NEB: variants seen among roughly 807,000 people sequenced by gnomAD.
The protein encoded by NEB is nebulin.
Under a neutral mutation model 952.2 loss-of-function variants are expected in NEB, and 512 were observed. The ratio of observed to expected loss-of-function variants is 0.54; its 90% CI spans 0.50 to 0.58. The LOEUF (loss-of-function observed/expected upper bound fraction) is 0.58. NEB is among the 20% of genes least tolerant of loss of function. NEB has a pLI of 0.00. For synonymous variants in NEB, 2,900 were observed against 3,149.8 expected (o/e 0.92, Z 2.66); for missense variants, 8,428 against 9,231.1 (o/e 0.91, Z 3.56).
rs886043631 is a variant in NEB, at chr2:151,568,710, A to AT, written c.17541dup (p.Tyr5848IlefsTer15). The AT allele has an allele frequency of 1.9e-6, 3 of 1,589,830 alleles. No individual in the cohort carries two copies. The highest frequency in any genetic ancestry group is 1.8e-5 in the Admixed American group (1 of 56,546). ...TTGAGAGTTTCTATTTTTGTGCGAT[A>AT]TTTTTTCTATGGGAAAGAAAGCATC... On this transcript the variant is annotated frameshift_variant, in exon 111 of 182. Coordinates refer to ENST00000397345, the MANE Select transcript of NEB (RefSeq NM_001164508.2). LOFTEE classifies it high-confidence loss of function.
intron 42 of NEB, 23 bp downstream of exon 42, chr2:151,665,310 G>A (rs757504190): frequency 6.2e-6 from 10 of 1,609,498 alleles, no homozygotes; most frequent in Admixed American, 3.3e-5. Context: ...TTCCCTGGGC[G>A]AGGCTGGCAG....
intron 133 of NEB, among the ~76,000 whole-genome samples, chr2:151,547,019 G>A (rs1168547100): frequency 1.3e-5 from 2 of 152,146 alleles, no homozygotes; most frequent in Non-Finnish European, 2.9e-5. Context: ...GGTCTTTTAG[G>A]AGGAGAGAAC....
chr2:151,627,415 G>A (rs780260720), intron 69 of NEB, 108 bp downstream of exon 69: 24 of 1,491,788 alleles, frequency 1.6e-5, no homozygotes, highest in Non-Finnish European at 2.0e-5. Flanking sequence ...TGAGCAGAGA[G>A]AAGAAATGTC....
Position 151,502,844 on chromosome 2 carries a change from A to G in NEB, c.23877T>C (p.Pro7959=). Residue 7959 remains proline (P), a synonymous_variant, in exon 167 of 182, where the codon CCT becomes CCC. Coordinates refer to ENST00000397345, the MANE Select transcript of NEB (RefSeq NM_001164508.2). ...KENLGKGIPT[P]ITPEMERVKR... is the part of the protein sequence containing the mutation. ...TGACTCTCTCCATCTCTGGAGTGAT[A>G]GGTGTTGGGATTCCTTTCCCCAAAT... 6.2e-7 allele frequency: 1 copy of G among 1,608,252 alleles called. No individual in the cohort carries two copies. Among genetic ancestry groups the G allele is most frequent in the Non-Finnish European group, 8.5e-7 (1 of 1,177,438 alleles).
At chr2:151,617,261 T>G in intron 75 of NEB, 103 bp downstream of exon 75, 2 of 684,660 alleles carry the variant, frequency 2.9e-6, no homozygotes, top group Non-Finnish European at 4.8e-6. Flanking sequence ...AAATGGTAGT[T>G]TGTAGTATGT....
chr2:151,655,803 A>G lies in NEB; in HGVS notation c.6702+14T>C, dbSNP rs751212315. On this transcript the variant is annotated intron_variant, in intron 50 of 181. Transcript: ENST00000397345. Reference sequence around the variant, plus strand: ...TCACGTGGGAGCTGTGTGGACGGCCACTGTTCTCTGTACCTTGTTCATGGT... The same window carrying G: ...TCACGTGGGAGCTGTGTGGACGGCCGCTGTTCTCTGTACCTTGTTCATGGT... 6.2e-7 allele frequency: 1 copy of G among 1,613,018 alleles called. No individual in the cohort carries two copies. Among genetic ancestry groups the G allele is most frequent in the Admixed American group, 1.7e-5 (1 of 59,954 alleles).
chr2:151,505,398 G>T, intron 165 of NEB, 80 bp downstream of exon 165: 1 of 1,196,226 alleles, frequency 8.4e-7, no homozygotes, highest in Non-Finnish European at 1.2e-6. Flanking sequence ...TTGATAGGAA[G>T]CAGAAAGATG....
chr2:151,520,224 A>C (rs563513307), intron 153 of NEB, among the ~76,000 whole-genome samples: 1 of 152,292 alleles, frequency 6.6e-6, no homozygotes, highest in East Asian at 1.9e-4. Context: ...AATTAGGAGA[A>C]TTTATTGTTA....
chr2:151,661,332 C>T (rs556486696), intron 46 of NEB, among the ~76,000 whole-genome samples: 2 of 152,146 alleles, frequency 1.3e-5, no homozygotes, highest in African/African-American at 2.4e-5. Context: ...GGAGGTTGAG[C>T]TCCACAAATC....
At chr2:151,513,543 C>T in intron 160 of NEB, 37 bp downstream of exon 160, 1 of 1,472,918 alleles carries the variant, frequency 6.8e-7, no homozygotes, top group Non-Finnish European at 9.4e-7. Context: ...GTTACAACTA[C>T]TTTCCTGAAA....
chr2:151,526,104 G>A, intron 149 of NEB, 36 bp from the exon 150 acceptor site: 1 of 1,611,118 alleles, frequency 6.2e-7, no homozygotes, highest in Non-Finnish European at 8.5e-7. Context: ...TAAGGCATCT[G>A]CCTGGGGCGT....
At chr2:151,671,704 A>G (rs1033000438) in intron 37 of NEB, among the ~76,000 whole-genome samples, 2 of 152,228 alleles carry the variant, frequency 1.3e-5, no homozygotes, top group Non-Finnish European at 2.9e-5. Context: ...TGAAGACTTC[A>G]AAACTAAATT....
In NEB at chr2:151,527,494, A is replaced by C; in HGVS notation, c.21827T>G (p.Leu7276Arg). Residue 7276 changes from leucine (L) to arginine (R), a missense_variant, in exon 147 of 182, where the codon CTG (leucine) becomes CGG (arginine). Coordinates refer to ENST00000397345, the MANE Select transcript of NEB (RefSeq NM_001164508.2). ...CTCCTGTCTTACATCGCTTTGCTGC[A>C]GGGATGACTTGGCAGCCTGGAGGAA... Reference protein sequence around the residue: ...PDFLQAAKSSLQQSDFEYKLD... With the variant: ...PDFLQAAKSSRQQSDFEYKLD... 1 of 1,612,872 alleles carries C rather than the reference A, an allele frequency of 6.2e-7. No homozygotes were observed. Among genetic ancestry groups the C allele is most frequent in the South Asian group, 1.1e-5 (1 of 90,824 alleles).
At position 151,576,301 on chromosome 2, in the gene NEB, T is replaced by C. The variant is rs1457319243; in HGVS notation, c.16758A>G (p.Gln5586=). The C allele has an allele frequency of 1.9e-6, 3 of 1,609,924 alleles. No individual in the cohort carries two copies. Among genetic ancestry groups the C allele is most frequent in the Non-Finnish European group, 2.5e-6 (3 of 1,177,372 alleles). The change falls in exon 106 of 182, where the codon CAA becomes CAG. Residue 5586 remains glutamine, a synonymous_variant. Coordinates refer to ENST00000397345, the MANE Select transcript of NEB (RefSeq NM_001164508.2). Reference sequence around the variant, plus strand: ...TGACTCTCAACACTTCAGGAGACCCTTGGGGCATCCAGCCAATGCCACGCA... The same window carrying C: ...TGACTCTCAACACTTCAGGAGACCCCTGGGGCATCCAGCCAATGCCACGCA... ...EWLRGIGWMP[Q]GSPEVLRVKN... is the part of the protein sequence containing the mutation.
In NEB at chr2:151,502,898, AG is replaced by A. The variant is rs2065822672; in HGVS notation, c.23836-14del. On this transcript the variant is annotated splice_polypyrimidine_tract_variant and intron_variant, in intron 166 of 181. Transcript: ENST00000397345. Reference sequence around the variant, plus strand: ...CTTTGTACAAAACCTGTGAGATACAAGAAAGTACCCAGAGGACATTTAAAAC... The same window carrying A: ...CTTTGTACAAAACCTGTGAGATACAAAAAGTACCCAGAGGACATTTAAAAC... The A allele has an allele frequency of 4.0e-6, 6 of 1,485,824 alleles. No individual in the cohort carries two copies. The Admixed American group carries it at 1.0e-4, about 26-fold the overall frequency. The allele number at this position is 1,485,824 out of a possible 1,614,324, so 92.0% of individuals were successfully genotyped here. A position where few individuals can be genotyped will look rare whatever the true frequency, so the allele number is the denominator to read the frequency against.
chr2:151,570,207 C>T lies in NEB; in HGVS notation c.17304G>A (p.Leu5768=), dbSNP rs35273905. 9.0e-4 allele frequency: 1,454 copies of T among 1,613,746 alleles called. 9 individuals carry two copies. In the African/African-American group the frequency reaches 0.017, roughly 19 times the overall value. ...CCAGAGCCTGGGAATTTTTAGAGTG[C>T]AGGATGGAAAGCATGTCCACAGGGC... ...IQSPVDMLSI[L]HSKNSQALVS... is the part of the protein sequence containing the mutation. Residue 5768 remains leucine, a synonymous_variant, in exon 109 of 182, where the codon CTG becomes CTA. Transcript: ENST00000397345.
At chr2:151,540,513 C>G (rs1003955781) in intron 137 of NEB, 65 bp from the exon 138 acceptor site, 2 of 1,308,978 alleles carry the variant, frequency 1.5e-6, no homozygotes, top group East Asian at 5.0e-5. Flanking sequence ...ACCAAGCCAC[C>G]TACAGGTCTT....
chr2:151,551,340 C>T (rs1386469185), intron 129 of NEB, among the ~76,000 whole-genome samples: 1 of 152,174 alleles, frequency 6.6e-6, no homozygotes, highest in Non-Finnish European at 1.5e-5. Context: ...CATTGGGTAA[C>T]ATAGAATAGG....
intron 64 of NEB, among the ~76,000 whole-genome samples, chr2:151,634,914 A>G (rs1574571368): frequency 6.6e-6 from 1 of 152,176 alleles, no homozygotes; most frequent in South Asian, 2.1e-4. Flanking sequence ...TTCATGTCCA[A>G]TGACTTCATT....
Sources: allele counts gnomAD v4.1 joint callset (sites outside exome capture counted in the v4.1 genomes callset), GRCh38; gene constraint gnomAD v4.1.1; transcripts MANE v1.5; gene names NCBI Gene and HGNC (gene_info 2026-07-23, HGNC 2026-07-21).